MMRN1: variants seen among roughly 807,000 people sequenced by gnomAD.
The protein encoded by MMRN1 is multimerin-1.
MMRN1 carries 94 observed loss-of-function variants against 100.7 expected under a neutral mutation model. That is an observed-to-expected ratio of 0.93 (90% CI 0.79 to 1.11). The LOEUF is 1.11. MMRN1 is among the 50% of genes least tolerant of loss of function. The probability of loss-of-function intolerance (pLI) is 0.00; values close to 1 mark genes in which losing one functional copy is unlikely to be tolerated. For missense variants in MMRN1, 1,606 were observed against 1,439.1 expected (o/e 1.12, Z -1.88); for synonymous variants, 575 against 505.0 (o/e 1.14, Z -1.86).
chr4:89,938,527 T>TAC (rs1722726910), intron 6 of MMRN1, among the ~76,000 whole-genome samples: 2 of 145,112 alleles, frequency 1.4e-5, no homozygotes, highest in Non-Finnish European at 3.0e-5. Flanking sequence ...AATATATATA[T>TAC]GCTATTTTCA....
chr4:89,906,016 A>G (rs2110591373), intron 1 of MMRN1, among the ~76,000 whole-genome samples: 1 of 151,596 alleles, frequency 6.6e-6, no homozygotes, highest in Non-Finnish European at 1.5e-5. Context: ...ATTTCTTGGG[A>G]AAATATTCTG....
At chr4:89,906,298 T>C (rs550633901) in intron 1 of MMRN1, among the ~76,000 whole-genome samples, 37 of 151,762 alleles carry the variant, frequency 2.4e-4, no homozygotes, top group African/African-American at 8.9e-4. Context: ...CTATTTTATA[T>C]GTTCAACAAG....
At chr4:89,930,486 T>A (rs1230071113) in intron 5 of MMRN1, among the ~76,000 whole-genome samples, 1 of 152,110 alleles carries the variant, frequency 6.6e-6, no homozygotes, top group Non-Finnish European at 1.5e-5. Context: ...AAGTTAAACA[T>A]TTATTGTCAT....
intron 1 of MMRN1, among the ~76,000 whole-genome samples, chr4:89,900,835 T>G (rs1721361481): frequency 6.6e-6 from 1 of 152,016 alleles, no homozygotes; most frequent in African/African-American, 2.4e-5. Context: ...AAGAAGGACC[T>G]TGAATTATGA....
chr4:89,944,481 T>C (rs551583405), intron 6 of MMRN1, among the ~76,000 whole-genome samples: 2 of 152,352 alleles, frequency 1.3e-5, no homozygotes, highest in South Asian at 4.1e-4. Flanking sequence ...TATTTAAATA[T>C]GAGACTTTTA....
upstream of MMRN1, among the ~76,000 whole-genome samples, chr4:89,892,418 G>A (rs1721075935): frequency 6.6e-6 from 1 of 151,312 alleles, no homozygotes; most frequent in African/African-American, 2.4e-5. Flanking sequence ...AGTAAACTGA[G>A]TACTCTTCAG....
At position 89,895,446 on chromosome 4, in the gene MMRN1, G is replaced by A; in HGVS notation, c.475G>A (p.Val159Ile). 1 of 1,613,750 alleles carries A rather than the reference G, an allele frequency of 6.2e-7. No individual in the cohort carries two copies. The highest frequency in any genetic ancestry group is 8.5e-7 in the Non-Finnish European group (1 of 1,179,872). ...TGAACAAGCAACTTCTCTAAACACAGTTGGAGGCACTGGAGGCATTGGAGG... is the reference window on the plus strand; with the variant it reads ...TGAACAAGCAACTTCTCTAAACACAATTGGAGGCACTGGAGGCATTGGAGG... ...SNEQATSLNT[V>I]GGTGGIGGVG... The change falls in exon 1 of 8, where the codon GTT (valine) becomes ATT (isoleucine). Residue 159 changes from valine to isoleucine, a missense_variant. By Grantham distance (29) the Val-to-Ile change is conservative (BLOSUM62 3). Transcript: ENST00000264790.
intron 1 of MMRN1, among the ~76,000 whole-genome samples, chr4:89,905,303 A>G (rs945975144): frequency 2.0e-5 from 3 of 151,516 alleles, no homozygotes; most frequent in Non-Finnish European, 4.4e-5. Flanking sequence ...TAATCTTATA[A>G]TTAAGATGAT....
At chr4:89,907,670 G>C (rs1051809735) in intron 1 of MMRN1, among the ~76,000 whole-genome samples, 1 of 150,624 alleles carries the variant, frequency 6.6e-6, no homozygotes, top group Non-Finnish European at 1.5e-5. Flanking sequence ...CCTTATCTTC[G>C]AGTTTATTGG....
chr4:89,935,390 A>G lies in MMRN1; in HGVS notation c.1710A>G (p.Gln570=), dbSNP rs777134588. 10 of 1,613,344 alleles carry G rather than the reference A, an allele frequency of 6.2e-6. No homozygotes were observed. Among genetic ancestry groups the G allele is most frequent in the Non-Finnish European group, 7.6e-6 (9 of 1,179,738 alleles). ...AAATGTTTGAAGATTTGCACATTCA[A>G]GAAAGCAAGATTAACAATCTCACCG... ...MLQMFEDLHI[Q]ESKINNLTVS... Residue 570 remains glutamine, a synonymous_variant, in exon 6 of 8, where the codon CAA becomes CAG. Coordinates refer to ENST00000264790, the MANE Select transcript of MMRN1 (RefSeq NM_007351.3).
rs527873702 is a variant in MMRN1, at chr4:89,951,520, C to G, written c.3119-85C>G. ...TCTTACTTAAAATTCAGTCTTTTTC[C>G]TATTCTGCTGCAAACTACGATTTGA... On this transcript the variant is annotated intron_variant, in intron 6 of 7. Coordinates refer to ENST00000264790, the MANE Select transcript of MMRN1 (RefSeq NM_007351.3). 17 of 1,354,778 alleles carry G rather than the reference C, an allele frequency of 1.3e-5. No homozygotes were observed. The African/African-American group carries it at 2.4e-4, about 19-fold the overall frequency. The allele number at this position is 1,354,778 out of a possible 1,614,324, so 83.9% of individuals were successfully genotyped here.
At chr4:89,920,296 G>A (rs972441429) in intron 3 of MMRN1, among the ~76,000 whole-genome samples, 1 of 152,106 alleles carries the variant, frequency 6.6e-6, no homozygotes, top group African/African-American at 2.4e-5. Context: ...GTTGCTAGAT[G>A]GGAGTAAGGA....
At chr4:89,914,231 CTT>C (rs1451517798) in intron 3 of MMRN1, among the ~76,000 whole-genome samples, 1 of 151,380 alleles carries the variant, frequency 6.6e-6, no homozygotes, top group Admixed American at 6.6e-5. Flanking sequence ...TGCAATTGTA[CTT>C]TTTTACTTCT....
rs776392980 is a variant in MMRN1 at position 89,951,598 on chromosome 4, G to A, written c.3119-7G>A. The A allele has an allele frequency of 3.4e-6, 5 of 1,462,536 alleles. No homozygotes were observed. Among genetic ancestry groups the A allele is most frequent in the South Asian group, 1.5e-5 (1 of 68,018 alleles). The allele number at this position is 1,462,536 out of a possible 1,614,324, so 90.6% of individuals were successfully genotyped here. A position where few individuals can be genotyped will look rare whatever the true frequency, so the allele number is the denominator to read the frequency against. ...TCTCTTTTACCTTGATTCTTTTTCC[G>A]TAACAGAGGAGTATTCAAGCTGTAG... On this transcript the variant is annotated splice_polypyrimidine_tract_variant and splice_region_variant and intron_variant, in intron 6 of 7. Coordinates refer to ENST00000264790, the MANE Select transcript of MMRN1 (RefSeq NM_007351.3).
In MMRN1 at chr4:89,902,122, A is replaced by AC. The variant is rs78868935; in HGVS notation, c.623+6528_623+6529insC. 2.7e-5 allele frequency: 4 copies of AC among 149,422 alleles called. No individual in the cohort carries two copies. In the Admixed American group the frequency reaches 2.7e-4, roughly 10 times the overall value. The allele number at this position is 149,422 out of a possible 1,614,324, so 9.3% of individuals were successfully genotyped here. ...AAACAAAAAATAAAATTAGGTAAAA[A>AC]AGAGTATGTTCAATTCCCACAGGAA... On this transcript the variant is annotated intron_variant, in intron 1 of 7. Transcript: ENST00000264790.
intron 5 of MMRN1, among the ~76,000 whole-genome samples, chr4:89,929,276 C>G (rs1395331422): frequency 6.6e-6 from 1 of 152,050 alleles, no homozygotes; most frequent in Non-Finnish European, 1.5e-5. Flanking sequence ...TATCTTTTCT[C>G]TATTGATTTA....
In MMRN1 at chr4:89,886,159, A is replaced by G. The variant is rs575010628; in HGVS notation, c.-249+6557A>G. Among the ~76,000 whole-genome samples, 8 of 151,528 alleles carry G rather than the reference A, an allele frequency of 5.3e-5. No homozygotes were observed. The South Asian group carries it at 1.7e-3, about 32-fold the overall frequency. On this transcript the variant is annotated intron_variant, in intron 1 of 8. Transcript: ENST00000394980. The stretch of plus-strand genomic sequence containing the variant: ...GCCTGCCTCAGCCTCCCAAAGTACT[A>G]AGATTACAAGCGTGAACCACTGTGC...
At chr4:89,883,991 A>G (rs1392858096) in intron 1 of MMRN1, among the ~76,000 whole-genome samples, 1 of 152,056 alleles carries the variant, frequency 6.6e-6, no homozygotes, top group Non-Finnish European at 1.5e-5. Context: ...ATTTAATAAG[A>G]TATTTTACCA....
intron 6 of MMRN1, among the ~76,000 whole-genome samples, chr4:89,940,628 G>T (rs1349465192): frequency 6.6e-6 from 1 of 151,988 alleles, no homozygotes; most frequent in Non-Finnish European, 1.5e-5. Context: ...ATATTTATTT[G>T]TAATAAGTCA....
Sources: gnomAD v4.1 joint callset for allele counts (sites outside exome capture counted in the v4.1 genomes callset) on GRCh38, gnomAD v4.1.1 for gene constraint, MANE v1.5 for transcripts, NCBI Gene and HGNC (gene_info 2026-07-23, HGNC 2026-07-21) for gene names.